The following MCUB variants were observed in gnomAD, a reference collection of about 807,000 sequenced individuals.
MCUB encodes calcium uniporter regulatory subunit MCUb, mitochondrial.
MCUB carries 46 observed loss-of-function variants against 41.4 expected under a neutral mutation model. That is an observed-to-expected ratio of 1.11 (90% CI 0.88 to 1.42). The LOEUF is 1.42. MCUB is among the 40% of genes most tolerant of loss of function. MCUB has a pLI of 0.00. For missense variants in MCUB, 403 were observed against 404.9 expected (o/e 1.00, Z 0.04); for synonymous variants, 148 against 148.2 (o/e 1.00, Z 0.01).
At chr4:109,577,387 T>C (rs1175599243) in intron 1 of MCUB, among the ~76,000 whole-genome samples, 1 of 152,170 alleles carries the variant, frequency 6.6e-6, no homozygotes, top group Non-Finnish European at 1.5e-5. Flanking sequence ...ATGCTTAGCA[T>C]GTGCCATACA....
chr4:109,607,286 T>G (rs1266829323), intron 1 of MCUB, among the ~76,000 whole-genome samples: 1 of 151,686 alleles, frequency 6.6e-6, no homozygotes, highest in Non-Finnish European at 1.5e-5. Context: ...GGCACGATCT[T>G]GGCTCACTGC....
At chr4:109,634,291 TGACTAACA>T (rs1233971156) in intron 1 of MCUB, among the ~76,000 whole-genome samples, 1 of 152,026 alleles carries the variant, frequency 6.6e-6, no homozygotes, top group Non-Finnish European at 1.5e-5. Context: ...GAGACCAGCC[TGACTAACA>T]TGGAGAAACC....
At position 109,615,490 on chromosome 4, in the gene MCUB, C is replaced by T. The variant is rs148047082; in HGVS notation, c.100-43521C>T. Among the ~76,000 whole-genome samples the T allele has an allele frequency of 5.4e-3, 825 of 151,584 alleles. 25 individuals carry two copies. The East Asian group carries it at 0.065, about 12-fold the overall frequency. Reference sequence around the variant, plus strand: ...GTGCGATCTCGGCTCACTGCAACCTCCGTCTGCCGGGTTTTACGCCATTCT... The same window carrying T: ...GTGCGATCTCGGCTCACTGCAACCTTCGTCTGCCGGGTTTTACGCCATTCT... On this transcript the variant is annotated intron_variant, in intron 1 of 7. Transcript: ENST00000394650.
At chr4:109,604,547 A>G (rs946979875) in intron 1 of MCUB, among the ~76,000 whole-genome samples, 1 of 152,144 alleles carries the variant, frequency 6.6e-6, no homozygotes, top group Non-Finnish European at 1.5e-5. Context: ...AGGACTATCA[A>G]TACTATGGTA....
Position 109,602,964 on chromosome 4 carries a change from A to T in MCUB, c.99+42528A>T, listed in dbSNP as rs553678503. On this transcript the variant is annotated intron_variant, in intron 1 of 7. Coordinates refer to ENST00000394650, the MANE Select transcript of MCUB (RefSeq NM_017918.5). ...TTTATCTGTGGCTATTGTAAATGGGATTACTTTTTTATTTTTTCAGATTGT... is the reference window on the plus strand; with the variant it reads ...TTTATCTGTGGCTATTGTAAATGGGTTTACTTTTTTATTTTTTCAGATTGT... Among the ~76,000 whole-genome samples the T allele has an allele frequency of 5.9e-5, 9 of 152,102 alleles. No individual in the cohort carries two copies. The East Asian group carries it at 1.5e-3, about 26-fold the overall frequency.
intron 1 of MCUB, among the ~76,000 whole-genome samples, chr4:109,650,245 C>T (rs897441448): frequency 6.6e-6 from 1 of 152,104 alleles, no homozygotes; most frequent in Non-Finnish European, 1.5e-5. Flanking sequence ...GGTAGTTTCT[C>T]TTTTAAGCTT....
intron 3 of MCUB, among the ~76,000 whole-genome samples, chr4:109,664,047 A>G (rs1029691778): frequency 2.6e-5 from 4 of 152,234 alleles, no homozygotes; most frequent in Non-Finnish European, 4.4e-5. Flanking sequence ...ATTCCAGCAC[A>G]GCTGACAGGG....
intron 1 of MCUB, among the ~76,000 whole-genome samples, chr4:109,590,075 A>G (rs115667167): frequency 1.3e-5 from 2 of 152,126 alleles, no homozygotes; most frequent in East Asian, 3.8e-4. Flanking sequence ...ATTCATATCA[A>G]TTATCTGTTT....
chr4:109,666,435 G>C (rs988693119), intron 4 of MCUB, among the ~76,000 whole-genome samples: 3 of 152,172 alleles, frequency 2.0e-5, no homozygotes, highest in African/African-American at 7.2e-5. Flanking sequence ...GAGAATTCCT[G>C]TTGCCCCATA....
rs189300381 is a variant in MCUB at position 109,662,010 on chromosome 4, G to A, written c.346+1645G>A. On this transcript the variant is annotated intron_variant, in intron 3 of 7. Coordinates refer to ENST00000394650, the MANE Select transcript of MCUB (RefSeq NM_017918.5). The stretch of plus-strand genomic sequence containing the variant: ...ATGGCACCACTGCACTCCAGCCTGA[G>A]TGATAGAGTGAGACTGCATTGAGGT... Among the ~76,000 whole-genome samples, 1,141 of 152,292 alleles carry A rather than the reference G, an allele frequency of 7.5e-3. 28 individuals are homozygous for A. Among genetic ancestry groups the A allele is most frequent in the South Asian group, 0.062 (299 of 4,820 alleles).
chr4:109,682,483 C>T lies in MCUB; in HGVS notation c.452-99C>T, dbSNP rs545267787. On this transcript the variant is annotated intron_variant, in intron 4 of 7. Coordinates refer to ENST00000394650, the MANE Select transcript of MCUB (RefSeq NM_017918.5). ...CACCAGCTTCCTTACCCTGTGGATC[C>T]TAAGATAATATTTGGAAAGAGAATT... 9.5e-5 allele frequency: 92 copies of T among 967,914 alleles called. No individual in the cohort carries two copies. In the East Asian group the frequency reaches 2.1e-3, roughly 22 times the overall value. The allele number at this position is 967,914 out of a possible 1,614,324, so 60.0% of individuals were successfully genotyped here. A position where few individuals can be genotyped will look rare whatever the true frequency, so the allele number is the denominator to read the frequency against.
At chr4:109,633,955 T>G (rs540178353) in intron 1 of MCUB, among the ~76,000 whole-genome samples, 2 of 152,056 alleles carry the variant, frequency 1.3e-5, no homozygotes, top group African/African-American at 2.4e-5. Flanking sequence ...TATTTATTCT[T>G]TTTATTATCA....
At chr4:109,676,444 C>T (rs961384191) in intron 4 of MCUB, among the ~76,000 whole-genome samples, 3 of 152,162 alleles carry the variant, frequency 2.0e-5, no homozygotes, top group South Asian at 4.1e-4. Flanking sequence ...GAATATCTTA[C>T]TGGAAGCTGG....
At chr4:109,611,578 C>T (rs1400329487) in intron 1 of MCUB, among the ~76,000 whole-genome samples, 1 of 151,988 alleles carries the variant, frequency 6.6e-6, no homozygotes, top group East Asian at 1.9e-4. Context: ...TGTTTAACAA[C>T]AAAAAAATTG....
intron 1 of MCUB, among the ~76,000 whole-genome samples, chr4:109,574,672 G>A (rs1726989503): frequency 6.6e-6 from 1 of 152,176 alleles, no homozygotes; most frequent in Non-Finnish European, 1.5e-5. Context: ...GCATATACAA[G>A]ACGTTAATAA....
At chr4:109,637,345 G>A (rs1579076658) in intron 1 of MCUB, among the ~76,000 whole-genome samples, 1 of 152,190 alleles carries the variant, frequency 6.6e-6, no homozygotes, top group East Asian at 1.9e-4. Context: ...GTACATACTA[G>A]GTGTTCAGTA....
chr4:109,623,188 G>T (rs879167160), intron 1 of MCUB, among the ~76,000 whole-genome samples: 1 of 152,186 alleles, frequency 6.6e-6, no homozygotes, highest in South Asian at 2.1e-4. Flanking sequence ...CAGTGAAATC[G>T]TCAGCATTAG....
chr4:109,561,273 A>C (rs1347635212), intron 1 of MCUB, among the ~76,000 whole-genome samples: 1 of 152,174 alleles, frequency 6.6e-6, no homozygotes, highest in East Asian at 1.9e-4. Context: ...CCTCCCCCAC[A>C]CTGTTAAGAT....
chr4:109,646,460 A>G (rs1365888995), intron 1 of MCUB, among the ~76,000 whole-genome samples: 6 of 152,126 alleles, frequency 3.9e-5, no homozygotes, highest in Admixed American at 3.3e-4. Context: ...CCGGGTCACC[A>G]CCATCTATTG....
Sources: allele counts gnomAD v4.1 joint callset (sites outside exome capture counted in the v4.1 genomes callset), GRCh38; gene constraint gnomAD v4.1.1; transcripts MANE v1.5; gene names NCBI Gene and HGNC (gene_info 2026-07-23, HGNC 2026-07-21).